HSD17B4: variants seen among roughly 807,000 people sequenced by gnomAD.
The protein encoded by HSD17B4 is hydroxysteroid 17-beta dehydrogenase 4.
HSD17B4 carries 70 observed loss-of-function variants against 101.0 expected under a neutral mutation model. That is an observed-to-expected ratio of 0.69 (90% confidence interval 0.57 to 0.85). The LOEUF (loss-of-function observed/expected upper bound fraction) is 0.85. Ranked by LOEUF, HSD17B4 falls within the 40% of genes least tolerant of loss-of-function variation. The probability of loss-of-function intolerance (pLI) is 0.00; values close to 1 mark genes in which losing one functional copy is unlikely to be tolerated. For missense variants in HSD17B4, 984 were observed against 892.4 expected (o/e 1.10, Z -1.31); for synonymous variants, 347 against 297.1 (o/e 1.17, Z -1.73).
At chr5:119,527,915 C>T (rs1212099490) in intron 20 of HSD17B4, among the ~76,000 whole-genome samples, 2 of 151,984 alleles carry the variant, frequency 1.3e-5, no homozygotes, top group African/African-American at 2.4e-5. Flanking sequence ...AGCAATGCTC[C>T]AGTAAAATAC....
rs143439703 is a variant in HSD17B4 at position 119,455,902 on chromosome 5, T to C, written c.59-413T>C. Among the ~76,000 whole-genome samples, 616 of 152,224 alleles carry C rather than the reference T, an allele frequency of 4.0e-3. 2 individuals carry two copies. Among genetic ancestry groups the C allele is most frequent in the Middle Eastern group, 0.014 (4 of 294 alleles). ...GCCATCCAGGGATTAGGGAGCTGAA[T>C]GAAGAAGTCGCTGCTATAGTCAGTT... On this transcript the variant is annotated intron_variant, in intron 1 of 23. Coordinates refer to ENST00000510025, the MANE Select transcript of HSD17B4 (RefSeq NM_000414.4).
chr5:119,493,549 A>G (rs866003660), intron 10 of HSD17B4: 1 of 376,576 alleles, frequency 2.7e-6, no homozygotes, highest in Non-Finnish European at 5.0e-6. Context: ...ACTTTTTCAC[A>G]TACAGCATAA....
chr5:119,496,474 T>A (rs1750657227), intron 11 of HSD17B4, 69 bp from the exon 12 acceptor site: 2 of 849,440 alleles, frequency 2.4e-6, no homozygotes, highest in East Asian at 4.8e-5. Context: ...TTATGTAGCA[T>A]ATTGTAGCTT....
Position 119,479,017 on chromosome 5 carries a change from T to G in HSD17B4, c.618T>G (p.Pro206=). 1.2e-6 allele frequency: 2 copies of G among 1,611,552 alleles called. No individual in the cohort carries two copies. Among genetic ancestry groups the G allele is most frequent in the Non-Finnish European group, 1.7e-6 (2 of 1,177,772 alleles). The change falls in exon 8 of 24, where the codon CCT becomes CCG. Residue 206 remains proline, a synonymous_variant. Transcript: ENST00000510025. ...CACGGATGACTCAGACAGTTATGCC[T>G]GAAGGTAAGTAAGCAAGCTTATATT... ...AGSRMTQTVM[P]EDLVEALKPE... is the part of the protein sequence containing the mutation.
intron 2 of HSD17B4, among the ~76,000 whole-genome samples, chr5:119,458,752 A>G (rs572754079): frequency 2.3e-4 from 35 of 152,292 alleles, no homozygotes; most frequent in South Asian, 2.1e-3. Context: ...TAAATTTGGT[A>G]TAAGAACTGC....
chr5:119,488,871 A>G (rs1749840911), intron 8 of HSD17B4, among the ~76,000 whole-genome samples: 1 of 152,072 alleles, frequency 6.6e-6, no homozygotes, highest in Admixed American at 6.6e-5. Context: ...TGGTACCCAG[A>G]TTTCTCATGT....
chr5:119,527,294 T>C (rs1753692269), intron 20 of HSD17B4, 75 bp downstream of exon 20: 3 of 809,230 alleles, frequency 3.7e-6, no homozygotes, highest in Middle Eastern at 2.9e-4. Flanking sequence ...TTTTGGTTAG[T>C]ACTATGGATA....
intron 16 of HSD17B4, among the ~76,000 whole-genome samples, chr5:119,513,882 A>G (rs1752385536): frequency 6.6e-6 from 1 of 152,154 alleles, no homozygotes; most frequent in Non-Finnish European, 1.5e-5. Context: ...CATGGCATAC[A>G]ATGGATTTTG....
intron 21 of HSD17B4, among the ~76,000 whole-genome samples, chr5:119,530,712 C>T (rs956473244): frequency 1.3e-5 from 2 of 151,156 alleles, no homozygotes; most frequent in Admixed American, 6.6e-5. Flanking sequence ...AATTAGCCAG[C>T]CTTGGTGGCA....
intron 8 of HSD17B4, among the ~76,000 whole-genome samples, chr5:119,479,641 T>C (rs1179896853): frequency 1.3e-5 from 2 of 152,178 alleles, no homozygotes; most frequent in Non-Finnish European, 2.9e-5. Context: ...GTCTCTCCCC[T>C]TTTCTTCCTG....
chr5:119,522,030 G>A (rs1219823099), intron 17 of HSD17B4, among the ~76,000 whole-genome samples: 2 of 151,786 alleles, frequency 1.3e-5, no homozygotes, highest in Non-Finnish European at 2.9e-5. Flanking sequence ...TTGGTGTGCT[G>A]CACCCGTTAA....
At chr5:119,520,409 C>G (rs968620084) in intron 17 of HSD17B4, among the ~76,000 whole-genome samples, 2 of 152,036 alleles carry the variant, frequency 1.3e-5, no homozygotes, top group Admixed American at 6.6e-5. Context: ...TCAGTGAGAC[C>G]CCCATTTAGA....
chr5:119,541,480 T>G (rs1056288748), intron 23 of HSD17B4, among the ~76,000 whole-genome samples: 21 of 152,328 alleles, frequency 1.4e-4, no homozygotes, highest in African/African-American at 4.8e-4. Flanking sequence ...TATTCTCTAA[T>G]TTGTCATTTC....
chr5:119,452,963 C>G, intron 1 of HSD17B4: 1 of 981,082 alleles, frequency 1.0e-6, no homozygotes, highest in East Asian at 2.6e-5. Flanking sequence ...TGTTACTCTT[C>G]CTGCAATTAA....
At chr5:119,461,153 A>T (rs1396750292) in intron 2 of HSD17B4, among the ~76,000 whole-genome samples, 1 of 152,226 alleles carries the variant, frequency 6.6e-6, no homozygotes, top group Non-Finnish European at 1.5e-5. Flanking sequence ...ATTGATGCTC[A>T]GATATGAACT....
intron 12 of HSD17B4, among the ~76,000 whole-genome samples, chr5:119,498,834 CA>C (rs1356907766): frequency 6.6e-6 from 1 of 152,190 alleles, no homozygotes; most frequent in East Asian, 1.9e-4. Context: ...GAGCCAAGAT[CA>C]TGCCACTGCA....
At chr5:119,511,841 C>T (rs1019344670) in intron 16 of HSD17B4, among the ~76,000 whole-genome samples, 1 of 151,914 alleles carries the variant, frequency 6.6e-6, no homozygotes, top group Non-Finnish European at 1.5e-5. Flanking sequence ...CAGTTAGCAA[C>T]AAAAAATTAT....
intron 17 of HSD17B4, among the ~76,000 whole-genome samples, chr5:119,523,793 C>A (rs1188334762): frequency 1.3e-5 from 2 of 151,898 alleles, no homozygotes; most frequent in African/African-American, 2.4e-5. Flanking sequence ...AAGCTTTATC[C>A]CACCTTTTTC....
At chr5:119,523,474 C>T (rs56411336) in intron 17 of HSD17B4, among the ~76,000 whole-genome samples, 20,358 of 151,896 alleles carry the variant, frequency 0.13, 2,161 homozygotes, top group African/African-American at 0.29. Flanking sequence ...TTGAACAATG[C>T]TTATTTTGTG....
Sources: gnomAD v4.1 joint callset for allele counts (sites outside exome capture counted in the v4.1 genomes callset) on GRCh38, gnomAD v4.1.1 for gene constraint, MANE v1.5 for transcripts, NCBI Gene and HGNC (gene_info 2026-07-23, HGNC 2026-07-21) for gene names.